SYCP2L: variants seen among roughly 807,000 people sequenced by gnomAD.
SYCP2L encodes synaptonemal complex protein 2 like, also known as synaptonemal complex protein 2-like.
A neutral mutation model predicts 125.8 loss-of-function variants in SYCP2L; 98 were observed. The observed-to-expected ratio is 0.78, with a 90% CI of 0.66 to 0.92. SYCP2L has a LOEUF of 0.92. Among genes scored for constraint, SYCP2L ranks in the 40% least tolerant of loss-of-function variants. SYCP2L has a pLI of 0.00. For synonymous variants in SYCP2L, 317 were observed against 325.4 expected, an observed-to-expected ratio of 0.97 and a Z score of 0.28; for missense variants, 842 against 936.4, an observed-to-expected ratio of 0.90 and a Z score of 1.32.
chr6:10,918,558 GAC>G (rs1468319938), intron 14 of SYCP2L, among the ~76,000 whole-genome samples: 2 of 151,208 alleles, frequency 1.3e-5, no homozygotes, highest in East Asian at 3.9e-4. Flanking sequence ...CTTTTTTTGA[GAC>G]AGAGTCTCGC....
chr6:10,945,663 G>A (rs1781302385), intron 23 of SYCP2L, among the ~76,000 whole-genome samples: 1 of 151,362 alleles, frequency 6.6e-6, no homozygotes, highest in Admixed American at 6.6e-5. Flanking sequence ...CCAGCTACTT[G>A]GGAGGCTGAG....
At chr6:10,913,676 A>C (rs1561685446) in intron 14 of SYCP2L, among the ~76,000 whole-genome samples, 1 of 151,586 alleles carries the variant, frequency 6.6e-6, no homozygotes, top group Non-Finnish European at 1.5e-5. Context: ...TTGTCTGTTT[A>C]CTCTGCTGAC....
At chr6:10,951,003 A>C (rs1375832404) in intron 23 of SYCP2L, among the ~76,000 whole-genome samples, 3 of 152,082 alleles carry the variant, frequency 2.0e-5, no homozygotes, top group Admixed American at 6.5e-5. Context: ...GCCTTCATCT[A>C]CTTTCTTGGA....
chr6:10,944,177 C>T (rs1781271251), intron 23 of SYCP2L, among the ~76,000 whole-genome samples: 1 of 152,158 alleles, frequency 6.6e-6, no homozygotes, highest in Non-Finnish European at 1.5e-5. Context: ...ATATGAGAGT[C>T]CTGTTGCTTT....
At chr6:10,906,441 A>G (rs1025966823) in intron 9 of SYCP2L, among the ~76,000 whole-genome samples, 1 of 152,148 alleles carries the variant, frequency 6.6e-6, no homozygotes, top group Non-Finnish European at 1.5e-5. Flanking sequence ...TCCCTAAACA[A>G]CATGCATTAT....
intron 1 of SYCP2L, among the ~76,000 whole-genome samples, chr6:10,888,064 AT>A (rs1780107852): frequency 1.1e-5 from 1 of 89,674 alleles, no homozygotes; most frequent in South Asian, 4.2e-4. Flanking sequence ...AGGTGTTACC[AT>A]CTTTTTTTTT....
At chr6:10,937,174 C>T (rs1242902163) in intron 21 of SYCP2L, among the ~76,000 whole-genome samples, 4 of 152,130 alleles carry the variant, frequency 2.6e-5, no homozygotes, top group Admixed American at 2.6e-4. Flanking sequence ...GGACATTCTC[C>T]AGAATTGATC....
intron 21 of SYCP2L, among the ~76,000 whole-genome samples, chr6:10,941,064 T>C (rs961963854): frequency 2.0e-5 from 3 of 152,212 alleles, no homozygotes; most frequent in Non-Finnish European, 2.9e-5. Context: ...GGATTCCCTA[T>C]TTAATAAGTG....
chr6:10,901,857 G>C (rs183035034), intron 6 of SYCP2L, among the ~76,000 whole-genome samples: 1 of 152,222 alleles, frequency 6.6e-6, no homozygotes, highest in African/African-American at 2.4e-5. Flanking sequence ...GCGTGGCTCC[G>C]CCCCATTTCT....
chr6:10,889,098 G>C (rs1780133084), intron 1 of SYCP2L, among the ~76,000 whole-genome samples: 2 of 152,262 alleles, frequency 1.3e-5, no homozygotes, highest in Admixed American at 6.5e-5. Context: ...CTGACCTCAT[G>C]ATATGCCCGC....
At chr6:10,945,287 A>G (rs1481145071) in intron 23 of SYCP2L, among the ~76,000 whole-genome samples, 1 of 152,140 alleles carries the variant, frequency 6.6e-6, no homozygotes, top group East Asian at 1.9e-4. Context: ...CTATATATGT[A>G]TATTCATTAG....
chr6:10,928,468 G>A lies in SYCP2L; in HGVS notation c.1488+18G>A, dbSNP rs944603075. ...AACAACCTGTGAGTACAGGGAGTGG[G>A]GCTCAAGTTTCTTATCTGTCTCCAG... On this transcript the variant is annotated intron_variant, in intron 18 of 29. Transcript: ENST00000283141. 6.4e-7 allele frequency: 1 copy of A among 1,570,264 alleles called. No homozygotes were observed. Among genetic ancestry groups the A allele is most frequent in the African/African-American group, 1.4e-5 (1 of 72,664 alleles).
At chr6:10,895,754 C>G (rs1196816824) in intron 4 of SYCP2L, among the ~76,000 whole-genome samples, 1 of 151,824 alleles carries the variant, frequency 6.6e-6, no homozygotes, top group Non-Finnish European at 1.5e-5. Context: ...TCCCAAAGTG[C>G]TGGGATTACA....
intron 20 of SYCP2L, 54 bp from the exon 21 acceptor site, chr6:10,935,004 A>G: frequency 6.9e-7 from 1 of 1,447,798 alleles, no homozygotes; most frequent in Non-Finnish European, 9.4e-7. Context: ...CAATATTTTG[A>G]TAACTTGTTT....
intron 14 of SYCP2L, among the ~76,000 whole-genome samples, chr6:10,919,159 A>G (rs147381109): frequency 6.6e-6 from 1 of 152,036 alleles, no homozygotes; most frequent in Non-Finnish European, 1.5e-5. Context: ...TTATTTTGTC[A>G]TAGTACTAGA....
At position 10,944,775 on chromosome 6, in the gene SYCP2L, C is replaced by T. The variant is rs1015180646; in HGVS notation, c.1954+2029C>T. On this transcript the variant is annotated intron_variant, in intron 23 of 29. Transcript: ENST00000283141. ...TGTCACCCAGGCTGGAGTGTAGTGGCGTGATCTTGGCTCACTGCAACCTCT... is the reference window on the plus strand; with the variant it reads ...TGTCACCCAGGCTGGAGTGTAGTGGTGTGATCTTGGCTCACTGCAACCTCT... 4.6e-5 allele frequency among the ~76,000 whole-genome samples: 7 copies of T among 151,980 alleles called. No homozygotes were observed. The East Asian group carries it at 1.4e-3, about 29-fold the overall frequency.
chr6:10,900,862 CCT>C (rs1472882954), intron 6 of SYCP2L, among the ~76,000 whole-genome samples: 1 of 152,192 alleles, frequency 6.6e-6, no homozygotes, highest in Non-Finnish European at 1.5e-5. Context: ...GCGGGGCTGG[CCT>C]CTCTGAAGTG....
At chr6:10,907,489 T>C in intron 9 of SYCP2L, 53 bp from the exon 10 acceptor site, 1 of 1,534,034 alleles carries the variant, frequency 6.5e-7, no homozygotes, top group Non-Finnish European at 8.8e-7. Context: ...ACTCATTTTT[T>C]CTTTTGCTTT....
At chr6:10,938,884 G>A (rs914003154) in intron 21 of SYCP2L, among the ~76,000 whole-genome samples, 6 of 152,110 alleles carry the variant, frequency 3.9e-5, no homozygotes, top group African/African-American at 1.2e-4. Context: ...ACTTTGGGAC[G>A]CCAAGGCCGG....
Sources: allele counts gnomAD v4.1 joint callset (sites outside exome capture counted in the v4.1 genomes callset), GRCh38; gene constraint gnomAD v4.1.1; transcripts MANE v1.5; gene names NCBI Gene and HGNC (gene_info 2026-07-23, HGNC 2026-07-21).